SERAC1: variants seen among roughly 807,000 people sequenced by gnomAD.
SERAC1 encodes the protein protein SERAC1.
SERAC1 carries 36 observed loss-of-function variants against 85.7 expected under a neutral mutation model. The observed-to-expected ratio is 0.42, with a 90% CI of 0.32 to 0.55. The LOEUF (loss-of-function observed/expected upper bound fraction) is 0.55. Ranked by LOEUF, SERAC1 falls within the 20% of genes least tolerant of loss-of-function variation. The pLI is 0.11. For synonymous variants in SERAC1, 242 were observed against 265.3 expected (o/e 0.91, Z 0.85); for missense variants, 629 against 796.2 (o/e 0.79, Z 2.53).
At chr6:158,151,413 C>A (rs1160842548) in intron 3 of SERAC1, among the ~76,000 whole-genome samples, 2 of 146,736 alleles carry the variant, frequency 1.4e-5, no homozygotes, top group Non-Finnish European at 3.0e-5. Flanking sequence ...CAGAGCAAGA[C>A]CTCGTCTCAA....
intron 4 of SERAC1, among the ~76,000 whole-genome samples, chr6:158,149,396 T>A (rs1446453482): frequency 6.6e-6 from 1 of 152,250 alleles, no homozygotes; most frequent in Non-Finnish European, 1.5e-5. Flanking sequence ...GTCTTTTTAT[T>A]GTCACTATCG....
intron 7 of SERAC1, 83 bp from the exon 8 acceptor site, chr6:158,143,267 T>C (rs1303792609): frequency 2.6e-6 from 4 of 1,531,092 alleles, no homozygotes; most frequent in Admixed American, 3.9e-5. Context: ...AAAGCCAATA[T>C]TTGCCATATA....
rs1178211575 is a variant in SERAC1, at chr6:158,156,827, ATATAT to A, written c.91+1441_91+1445del. ...TATAATATATTTATATAATATATTAATATATTATATAAATATATTTTATATATAAT... is the reference window on the plus strand; with the variant it reads ...TATAATATATTTATATAATATATTAATATATAAATATATTTTATATATAAT... On this transcript the variant is annotated intron_variant, in intron 2 of 16. Coordinates refer to ENST00000647468, the MANE Select transcript of SERAC1 (RefSeq NM_032861.4). 3.7e-4 allele frequency among the ~76,000 whole-genome samples: 50 copies of A among 133,890 alleles called. 1 individual carries two copies. 87.8% of individuals were successfully genotyped at this position (133,890 alleles called of 152,430 possible).
intron 1 of SERAC1, among the ~76,000 whole-genome samples, chr6:158,165,056 A>T (rs1351023645): frequency 6.6e-6 from 1 of 152,206 alleles, no homozygotes; most frequent in African/African-American, 2.4e-5. Flanking sequence ...CTTCCATAAA[A>T]GCATGGCTGC....
At chr6:158,122,176 C>G (rs1562437052) in intron 10 of SERAC1, among the ~76,000 whole-genome samples, 1 of 152,212 alleles carries the variant, frequency 6.6e-6, no homozygotes, top group Admixed American at 6.5e-5. Flanking sequence ...GAGCAATAGG[C>G]TGTCCCATAC....
At chr6:158,132,615 G>A (rs1183880646) in intron 8 of SERAC1, among the ~76,000 whole-genome samples, 2 of 152,138 alleles carry the variant, frequency 1.3e-5, no homozygotes, top group Admixed American at 1.3e-4. Flanking sequence ...AGGAGAGAAG[G>A]CAAAGAAAAA....
intron 10 of SERAC1, among the ~76,000 whole-genome samples, chr6:158,122,674 G>C (rs1462378393): frequency 2.0e-5 from 3 of 152,172 alleles, no homozygotes; most frequent in Non-Finnish European, 2.9e-5. Flanking sequence ...CAGCGACTCA[G>C]AAGGCTGAGG....
chr6:158,161,551 G>T (rs866071048), intron 1 of SERAC1: 1 of 151,962 alleles, frequency 6.6e-6, no homozygotes, highest in Non-Finnish European at 1.5e-5. Context: ...TAATAGCAAA[G>T]AAGTTTAAGA....
chr6:158,163,068 A>G (rs1562463512), intron 1 of SERAC1, among the ~76,000 whole-genome samples: 1 of 152,198 alleles, frequency 6.6e-6, no homozygotes, highest in Admixed American at 6.5e-5. Flanking sequence ...CTGGATCACA[A>G]GAGAAATGTC....
intron 4 of SERAC1, among the ~76,000 whole-genome samples, chr6:158,149,530 T>C (rs1403011645): frequency 1.3e-5 from 2 of 152,002 alleles, no homozygotes; most frequent in East Asian, 3.9e-4. Context: ...CTAATGAAAA[T>C]CCTCATATAC....
At chr6:158,163,772 G>T (rs527446951) in intron 1 of SERAC1, among the ~76,000 whole-genome samples, 1 of 151,588 alleles carries the variant, frequency 6.6e-6, no homozygotes, top group African/African-American at 2.4e-5. Flanking sequence ...TCACTCTGTC[G>T]CCCAGGCAGG....
chr6:158,114,075 A>C (rs1220849348), intron 15 of SERAC1, among the ~76,000 whole-genome samples: 1 of 152,050 alleles, frequency 6.6e-6, no homozygotes, highest in South Asian at 2.1e-4. Flanking sequence ...CAGAAAAAAA[A>C]CAGCTAGATG....
chr6:158,149,625 AT>A (rs1785157647), intron 4 of SERAC1, among the ~76,000 whole-genome samples: 1 of 152,254 alleles, frequency 6.6e-6, no homozygotes, highest in African/African-American at 2.4e-5. Flanking sequence ...TATTAAAGAG[AT>A]TAAGTCTCAA....
At chr6:158,163,715 G>C (rs1364063364) in intron 1 of SERAC1, among the ~76,000 whole-genome samples, 1 of 141,216 alleles carries the variant, frequency 7.1e-6, no homozygotes, top group Non-Finnish European at 1.6e-5. Flanking sequence ...GCACTGTTTA[G>C]ATTATGTAGG....
rs182863697 is a variant in SERAC1, at chr6:158,142,102, G to A, written c.738+954C>T. ...ATGAGATTTTTATAAAGAAAAACTC[G>A]CTGACATAACACCCCAAGAATATCA... On this transcript the variant is annotated intron_variant, in intron 8 of 16. Transcript: ENST00000647468. Among the ~76,000 whole-genome samples the A allele has an allele frequency of 8.1e-4, 123 of 151,914 alleles. 1 individual carries two copies. Among genetic ancestry groups the A allele is most frequent in the African/African-American group, 2.7e-3 (113 of 41,428 alleles).
At chr6:158,130,828 C>A (rs1430975301) in intron 8 of SERAC1, among the ~76,000 whole-genome samples, 2 of 152,166 alleles carry the variant, frequency 1.3e-5, no homozygotes, top group Non-Finnish European at 2.9e-5. Context: ...GTAGTCACTA[C>A]AGTATATTAT....
At chr6:158,160,426 CAAAT>C (rs1455920355) in intron 1 of SERAC1, among the ~76,000 whole-genome samples, 2 of 152,192 alleles carry the variant, frequency 1.3e-5, no homozygotes, top group South Asian at 2.1e-4. Context: ...CAGGTGCACA[CAAAT>C]GAATGATTAT....
At chr6:158,155,989 TA>T (rs35111542) in intron 2 of SERAC1, among the ~76,000 whole-genome samples, 2 of 149,258 alleles carry the variant, frequency 1.3e-5, no homozygotes, top group Non-Finnish European at 1.5e-5. Context: ...TACTAAATAT[TA>T]AAAAAAAAAT....
At chr6:158,150,335 G>T in intron 4 of SERAC1, 118 bp downstream of exon 4, 1 of 738,414 alleles carries the variant, frequency 1.4e-6, no homozygotes, top group Non-Finnish European at 2.0e-6. Flanking sequence ...CACGGGGTTT[G>T]GTGATTCTTA....
Sources: allele counts gnomAD v4.1 joint callset (sites outside exome capture counted in the v4.1 genomes callset), GRCh38; gene constraint gnomAD v4.1.1; transcripts MANE v1.5; gene names NCBI Gene and HGNC (gene_info 2026-07-23, HGNC 2026-07-21).